The following NTM variants were observed in gnomAD, a reference collection of about 807,000 sequenced individuals.
NTM encodes the protein neurotrimin.
A neutral mutation model predicts 42.1 loss-of-function variants in NTM; 13 were observed. The ratio of observed to expected loss-of-function variants is 0.31; its 90% CI spans 0.20 to 0.49. The LOEUF is 0.49. Ranked by LOEUF, NTM falls within the 20% of genes least tolerant of loss-of-function variation. The pLI is 0.99. For synonymous variants in NTM, 187 were observed against 179.2 expected (o/e 1.04, Z -0.35); for missense variants, 373 against 452.8 (o/e 0.82, Z 1.60).
chr11:132,183,900 G>C (rs1188419097), intron 3 of NTM, among the ~76,000 whole-genome samples: 1 of 151,680 alleles, frequency 6.6e-6, no homozygotes, highest in Non-Finnish European at 1.5e-5. Context: ...TCTTAATGGT[G>C]ATTGCAAATT....
At chr11:131,773,794 C>A (rs1371921958) in intron 1 of NTM, among the ~76,000 whole-genome samples, 2 of 152,124 alleles carry the variant, frequency 1.3e-5, no homozygotes, top group African/African-American at 2.4e-5. Context: ...TGGTTAGTAA[C>A]CTGACTGTGT....
chr11:132,138,567 T>TATCTATCTATCTATC (rs1555279929), intron 2 of NTM, among the ~76,000 whole-genome samples: 43 of 5,484 alleles, frequency 7.8e-3, no homozygotes, highest in Non-Finnish European at 0.018. Flanking sequence ...CAACAGAATC[T>TATCTATCTATCTATC]ATCTATCTAT....
At chr11:132,190,190 A>C (rs2079075182) in intron 3 of NTM, among the ~76,000 whole-genome samples, 1 of 152,200 alleles carries the variant, frequency 6.6e-6, no homozygotes, top group Non-Finnish European at 1.5e-5. Context: ...TCCAATGAGA[A>C]GAGAGAGACA....
chr11:131,791,934 A>T (rs2090995390), intron 1 of NTM, among the ~76,000 whole-genome samples: 2 of 152,146 alleles, frequency 1.3e-5, no homozygotes, highest in South Asian at 4.1e-4. Context: ...ATCCCATAGG[A>T]CTGTTTGTCA....
At chr11:131,700,581 T>C (rs1228570246) in intron 1 of NTM, among the ~76,000 whole-genome samples, 1 of 152,250 alleles carries the variant, frequency 6.6e-6, no homozygotes, top group African/African-American at 2.4e-5. Flanking sequence ...GTGCTTACTG[T>C]GTGCCAGGCA....
intron 4 of NTM, among the ~76,000 whole-genome samples, chr11:132,301,179 C>T (rs950525516): frequency 6.6e-6 from 1 of 152,182 alleles, no homozygotes; most frequent in African/African-American, 2.4e-5. Context: ...GAAATAAACA[C>T]GTCCTTCTTC....
chr11:131,711,731 C>G (rs2077156788), intron 1 of NTM, among the ~76,000 whole-genome samples: 1 of 151,788 alleles, frequency 6.6e-6, no homozygotes, highest in African/African-American at 2.4e-5. Context: ...GGAACCAACC[C>G]AAATGTCCAA....
At chr11:132,148,182 T>G (rs938211972) in intron 3 of NTM, among the ~76,000 whole-genome samples, 5 of 152,244 alleles carry the variant, frequency 3.3e-5, no homozygotes, top group Admixed American at 6.5e-5. Context: ...AACTGATGCA[T>G]GCAAACAGCA....
intron 1 of NTM, among the ~76,000 whole-genome samples, chr11:131,696,277 G>A (rs2075432758): frequency 6.6e-6 from 1 of 152,154 alleles, no homozygotes; most frequent in Non-Finnish European, 1.5e-5. Context: ...CCAGCAGGAA[G>A]GAGAGTTGAG....
chr11:132,097,568 G>A (rs1378984704), intron 2 of NTM, among the ~76,000 whole-genome samples: 1 of 152,224 alleles, frequency 6.6e-6, no homozygotes, highest in Non-Finnish European at 1.5e-5. Flanking sequence ...TGATACCTCA[G>A]TTGTAACTTC....
chr11:131,965,509 GTAT>G (rs1222370416), intron 2 of NTM, among the ~76,000 whole-genome samples: 3 of 152,270 alleles, frequency 2.0e-5, no homozygotes, highest in South Asian at 2.1e-4. Flanking sequence ...ATTATTAATT[GTAT>G]TATTAAATAT....
chr11:131,603,928 T>G (rs182494178), intron 1 of NTM, among the ~76,000 whole-genome samples: 390 of 121,876 alleles, frequency 3.2e-3, no homozygotes, highest in South Asian at 0.013. Flanking sequence ...TGTTTATCCA[T>G]TCATCATTTA....
At chr11:132,072,496 A>G (rs1303046699) in intron 2 of NTM, among the ~76,000 whole-genome samples, 1 of 152,222 alleles carries the variant, frequency 6.6e-6, no homozygotes, top group Non-Finnish European at 1.5e-5. Flanking sequence ...AGTCTGTGCA[A>G]GCTTGGGCAA....
chr11:131,604,025 A>C (rs2060709803), intron 1 of NTM, among the ~76,000 whole-genome samples: 4 of 152,116 alleles, frequency 2.6e-5, no homozygotes, highest in Admixed American at 2.6e-4. Context: ...GTAGACATAT[A>C]TTTTTATATC....
rs147955308 is a variant in NTM at position 131,802,535 on chromosome 11, G to C, written c.83-109029G>C. Among the ~76,000 whole-genome samples, 6 of 152,330 alleles carry C rather than the reference G, an allele frequency of 3.9e-5. 1 individual carries two copies. Among genetic ancestry groups the C allele is most frequent in the African/African-American group, 7.2e-5 (3 of 41,572 alleles). On this transcript the variant is annotated intron_variant, in intron 1 of 8. Transcript: ENST00000683400. ...GAGCCTGGAGGCCTGGCTGTCCCCA[G>C]AGTAGCCTTGCTGGACAGAAGGATT...
chr11:131,449,971 C>T (rs932276133), intron 1 of NTM, among the ~76,000 whole-genome samples: 1 of 152,104 alleles, frequency 6.6e-6, no homozygotes, highest in Non-Finnish European at 1.5e-5. Flanking sequence ...GATTAGGAGA[C>T]CTGGAATCTG....
chr11:131,626,264 A>G (rs964598419), intron 1 of NTM, among the ~76,000 whole-genome samples: 2 of 152,208 alleles, frequency 1.3e-5, no homozygotes, highest in African/African-American at 4.8e-5. Flanking sequence ...TTCTTCAAAT[A>G]TCTCTTTGTA....
At chr11:132,192,535 G>T (rs1053212918) in intron 3 of NTM, among the ~76,000 whole-genome samples, 1 of 152,142 alleles carries the variant, frequency 6.6e-6, no homozygotes, top group Non-Finnish European at 1.5e-5. Flanking sequence ...GGAAAAGAAA[G>T]AATAGTACCT....
chr11:131,697,552 G>A (rs1049395773), intron 1 of NTM, among the ~76,000 whole-genome samples: 8 of 152,194 alleles, frequency 5.3e-5, no homozygotes, highest in African/African-American at 1.9e-4. Flanking sequence ...CCCCATTTCT[G>A]TATTTCTGGG....
Sources: allele counts gnomAD v4.1 joint callset (sites outside exome capture counted in the v4.1 genomes callset), GRCh38; gene constraint gnomAD v4.1.1; transcripts MANE v1.5; gene names NCBI Gene and HGNC (gene_info 2026-07-23, HGNC 2026-07-21).